ACTN4: variants seen among roughly 807,000 people sequenced by gnomAD.
ACTN4 encodes alpha-actinin-4.
ACTN4 carries 18 observed loss-of-function variants against 114.2 expected under a neutral mutation model. The ratio of observed to expected loss-of-function variants is 0.16; its 90% CI spans 0.11 to 0.23. The LOEUF (loss-of-function observed/expected upper bound fraction) is 0.23, where lower values mean the gene tolerates loss of function less well. ACTN4 is among the 10% of genes least tolerant of loss of function. ACTN4 has a pLI of 1.00. For missense variants in ACTN4, 722 were observed against 1,262.9 expected (o/e 0.57, Z 6.49); for synonymous variants, 515 against 506.3 (o/e 1.02, Z -0.23).
At position 38,666,635 on chromosome 19, in the gene ACTN4, A is replaced by G. The variant is rs137908928; in HGVS notation, c.162+18728A>G. On this transcript the variant is annotated intron_variant, in intron 1 of 20. Transcript: ENST00000252699. ...ATCACGGCTGGGACTGTGCATATCCAAACACTTCTTGCCTCTGAGATGAGC... is the reference window on the plus strand; with the variant it reads ...ATCACGGCTGGGACTGTGCATATCCGAACACTTCTTGCCTCTGAGATGAGC... 3.0e-3 allele frequency among the ~76,000 whole-genome samples: 460 copies of G among 152,316 alleles called. 1 individual carries two copies. Among genetic ancestry groups the G allele is most frequent in the African/African-American group, 0.011 (440 of 41,580 alleles).
intron 1 of ACTN4, among the ~76,000 whole-genome samples, chr19:38,669,169 TAG>T (rs1967058467): frequency 6.6e-6 from 1 of 152,150 alleles, no homozygotes; most frequent in Non-Finnish European, 1.5e-5. Context: ...GTATTTTTAG[TAG>T]AGACGGGGTT....
intron 1 of ACTN4, among the ~76,000 whole-genome samples, chr19:38,676,197 A>G (rs141399540): frequency 6.6e-6 from 1 of 152,346 alleles, no homozygotes; most frequent in Non-Finnish European, 1.5e-5. Context: ...CTAATGCCAT[A>G]GAGATGTCTT....
At position 38,723,652 on chromosome 19, in the gene ACTN4, G is replaced by A. The variant is rs369886738; in HGVS notation, c.1481G>A (p.Arg494Gln). The change falls in exon 13 of 21, where the codon CGG becomes CAG. Residue 494 changes from arginine (R) to glutamine (Q), a missense_variant. Around this residue, in one of 3 missense-constraint regions of ACTN4, gnomAD observed 523 missense variants for 875.9 expected, o/e 0.60. Coordinates refer to ENST00000252699, the MANE Select transcript of ACTN4 (RefSeq NM_004924.6). ...DYYDSHNVNT[R>Q]CQKICDQWDA... ...TACGACTCCCACAATGTCAACACCC[G>A]GTGCCAGAAGATCTGTGACCAGTGG... The A allele has an allele frequency of 9.9e-6, 16 of 1,613,326 alleles. No homozygotes were observed. The highest frequency in any genetic ancestry group is 6.7e-5 in the Admixed American group (4 of 59,924).
Position 38,701,104 on chromosome 19 carries a change from T to C in ACTN4, c.380T>C (p.Val127Ala). 6.2e-7 allele frequency: 1 copy of C among 1,613,958 alleles called. No individual in the cohort carries two copies. The highest frequency in any genetic ancestry group is 8.5e-7 in the Non-Finnish European group (1 of 1,180,008). ...ATTGCCAGCAAAGGCGTCAAGCTGG[T>C]CTCCATCGGGGCAGAAGGTGAGCTG... is the stretch of plus-strand genomic sequence containing the variant. ...DFIASKGVKL[V>A]SIGAEEIVDG... The change falls in exon 3 of 21, where the codon GTC (valine) becomes GCC (alanine). Residue 127 changes from valine to alanine, a missense_variant. Physicochemically the swap from Val to Ala is moderately conservative, Grantham distance 64. This residue lies in a region of ACTN4 where 127 missense variants were observed against 311.3 expected (regional missense o/e 0.41). Transcript: ENST00000252699.
chr19:38,715,177 T>G (rs1435426077), intron 9 of ACTN4, among the ~76,000 whole-genome samples: 2 of 152,244 alleles, frequency 1.3e-5, no homozygotes, highest in African/African-American at 2.4e-5. Context: ...CTGGAGGCTC[T>G]TCATTTTTGA....
chr19:38,657,409 C>G (rs142340347), intron 1 of ACTN4, among the ~76,000 whole-genome samples: 1 of 152,164 alleles, frequency 6.6e-6, no homozygotes, highest in Non-Finnish European at 1.5e-5. Flanking sequence ...CAACAAAGTG[C>G]TGGGGTTACA....
chr19:38,664,268 A>T (rs1966890656), intron 1 of ACTN4, among the ~76,000 whole-genome samples: 1 of 151,968 alleles, frequency 6.6e-6, no homozygotes, highest in African/African-American at 2.4e-5. Context: ...CATCCCAGGA[A>T]ATACTCCAGT....
In ACTN4 at chr19:38,700,683, C is replaced by G. The variant is rs77307137; in HGVS notation, c.246C>G (p.Leu82=). 6 of 1,614,100 alleles carry G rather than the reference C, an allele frequency of 3.7e-6. No homozygotes were observed. The highest frequency in any genetic ancestry group is 2.2e-5 in the East Asian group (1 of 44,888). Residue 82 remains leucine (L), a synonymous_variant, in exon 2 of 21, where the codon CTC becomes CTG. Transcript: ENST00000252699. The part of the protein sequence containing the change: ...ENIDEDFRDG[L]KLMLLLEVIS... The stretch of plus-strand genomic sequence containing the variant: ...TTGATGAGGACTTCCGAGACGGGCT[C>G]AAGCTCATGCTGCTCCTGGAGGTCA...
At position 38,701,033 on chromosome 19, in the gene ACTN4, G is replaced by A; in HGVS notation, c.309G>A (p.Lys103=). The stretch of plus-strand genomic sequence containing the variant: ...GGTTACCTAAGCCGGAGCGGGGGAA[G>A]ATGAGAGTGCACAAAATCAACAATG... The part of the protein sequence containing the change: ...GERLPKPERG[K]MRVHKINNVN... The change falls in exon 3 of 21, where the codon AAG becomes AAA. Residue 103 remains lysine (K), a synonymous_variant. Coordinates refer to ENST00000252699, the MANE Select transcript of ACTN4 (RefSeq NM_004924.6). The A allele has an allele frequency of 6.2e-7, 1 of 1,614,108 alleles. No individual in the cohort carries two copies. The highest frequency in any genetic ancestry group is 8.5e-7 in the Non-Finnish European group (1 of 1,180,038).
Position 38,731,330 on chromosome 19 carries a change from A to AC in ACTN4, c.*1902dup. ...GGACATGAATGCCACAGGGTGTCAC[A>AC]CCCCAACTCTGCCCCATCCCGGCAG... On this transcript the variant is annotated 3_prime_UTR_variant, in exon 21 of 21. Coordinates refer to ENST00000252699, the MANE Select transcript of ACTN4 (RefSeq NM_004924.6). The AC allele has an allele frequency of 1.2e-6, 1 of 820,232 alleles. No individual in the cohort carries two copies. Among genetic ancestry groups the AC allele is most frequent in the Admixed American group, 1.9e-5 (1 of 53,768 alleles). The allele number at this position is 820,232 out of a possible 1,614,324, so 50.8% of individuals were successfully genotyped here.
chr19:38,687,234 A>G (rs779614388), intron 1 of ACTN4, among the ~76,000 whole-genome samples: 4 of 151,634 alleles, frequency 2.6e-5, no homozygotes, highest in East Asian at 1.9e-4. Context: ...AGCCCCCCCA[A>G]AGTGCTGGGA....
At chr19:38,666,131 C>G (rs896009577) in intron 1 of ACTN4, among the ~76,000 whole-genome samples, 9 of 152,130 alleles carry the variant, frequency 5.9e-5, no homozygotes, top group Non-Finnish European at 2.9e-5. Flanking sequence ...GTGCTTCTCA[C>G]GCCTGCTGCT....
intron 1 of ACTN4, among the ~76,000 whole-genome samples, chr19:38,687,110 T>C (rs1162890298): frequency 6.6e-6 from 1 of 151,992 alleles, no homozygotes; most frequent in African/African-American, 2.4e-5. Context: ...ATTACAGGCG[T>C]GTGCCACCAC....
chr19:38,671,587 T>C (rs890670999), intron 1 of ACTN4, among the ~76,000 whole-genome samples: 1 of 152,242 alleles, frequency 6.6e-6, no homozygotes, highest in Non-Finnish European at 1.5e-5. Context: ...GCGTTTCTTA[T>C]TGATAGGAGA....
Position 38,673,663 on chromosome 19 carries a change from A to ATTTATAAT in ACTN4, c.162+25758_162+25759insTATAATTT, listed in dbSNP as rs1218577475. On this transcript the variant is annotated intron_variant, in intron 1 of 20. Transcript: ENST00000252699. ...TATATATATTTATATATTTATATATATTATATATATTTATATATTTATATA... is the reference window on the plus strand; with the variant it reads ...TATATATATTTATATATTTATATATATTTATAATTTATATATATTTATATATTTATATA... Among the ~76,000 whole-genome samples the ATTTATAAT allele has an allele frequency of 1.3e-4, 2 of 14,880 alleles. 1 individual carries two copies. The highest frequency in any genetic ancestry group is 3.0e-4 in the African/African-American group (2 of 6,708). The allele number at this position is 14,880 out of a possible 152,430, so 9.8% of individuals were successfully genotyped here. A position where few individuals can be genotyped will look rare whatever the true frequency, so the allele number is the denominator to read the frequency against.
intron 5 of ACTN4, 48 bp from the exon 6 acceptor site, chr19:38,708,069 C>A: frequency 1.3e-6 from 2 of 1,589,150 alleles, no homozygotes; most frequent in East Asian, 2.2e-5. Flanking sequence ...ACGGCACTCT[C>A]ATGACAGTGA....
rs577141157 is a variant in ACTN4 at position 38,659,065 on chromosome 19, C to CT, written c.162+11171dup. On this transcript the variant is annotated intron_variant, in intron 1 of 20. Transcript: ENST00000252699. ...TAACTTTTTTTTCTTCTTTTCTTTTCTTTTTTTTTTTTTGAGACGGAGTCT... is the reference window on the plus strand; with the variant it reads ...TAACTTTTTTTTCTTCTTTTCTTTTCTTTTTTTTTTTTTTGAGACGGAGTCT... 5.1e-3 allele frequency among the ~76,000 whole-genome samples: 570 copies of CT among 111,676 alleles called. 13 individuals are homozygous for CT. The highest frequency in any genetic ancestry group is 7.6e-3 in the Non-Finnish European group (419 of 54,908). 73.3% of individuals were successfully genotyped at this position (111,676 alleles called of 152,430 possible). A position where few individuals can be genotyped will look rare whatever the true frequency, so the allele number is the denominator to read the frequency against.
At chr19:38,708,270 C>T in intron 6 of ACTN4, 75 bp downstream of exon 6, 3 of 1,490,006 alleles carry the variant, frequency 2.0e-6, no homozygotes, top group South Asian at 2.3e-5. Context: ...TCACCATCCC[C>T]ATGCCCTTCC....
At chr19:38,713,566 C>T (rs190291719) in intron 8 of ACTN4, among the ~76,000 whole-genome samples, 7 of 152,262 alleles carry the variant, frequency 4.6e-5, no homozygotes, top group African/African-American at 1.7e-4. Context: ...TGCGTGTGTG[C>T]GCTCACACGA....
Sources: allele counts gnomAD v4.1 joint callset (sites outside exome capture counted in the v4.1 genomes callset), GRCh38; gene constraint gnomAD v4.1.1; regional missense constraint gnomAD v4.1.1; transcripts MANE v1.5; gene names NCBI Gene and HGNC (gene_info 2026-07-23, HGNC 2026-07-21).